Variants in CDH13 observed in about 807,000 individuals in gnomAD.
The protein encoded by CDH13 is cadherin-13.
Under a neutral mutation model 63.8 loss-of-function variants are expected in CDH13, and 24 were observed. The ratio of observed to expected loss-of-function variants is 0.38; its 90% CI spans 0.27 to 0.53. The LOEUF (loss-of-function observed/expected upper bound fraction) is 0.53, where lower values mean the gene tolerates loss of function less well. CDH13 is among the 20% of genes least tolerant of loss of function. The pLI, the probability that CDH13 is intolerant of heterozygous loss-of-function variation, is 0.85. For synonymous variants in CDH13, 503 were observed against 355.3 expected (o/e 1.42, Z -4.67); for missense variants, 1,049 against 903.1 (o/e 1.16, Z -2.07).
intron 5 of CDH13, among the ~76,000 whole-genome samples, chr16:83,333,710 G>A (rs1326762085): frequency 6.6e-6 from 1 of 152,066 alleles, no homozygotes; most frequent in African/African-American, 2.4e-5. Context: ...TTGCTATGGT[G>A]GAAACTAAAA....
At chr16:83,344,648 C>T (rs1356589142) in intron 5 of CDH13, among the ~76,000 whole-genome samples, 2 of 151,988 alleles carry the variant, frequency 1.3e-5, no homozygotes, top group African/African-American at 4.8e-5. Context: ...TGTAAATTTC[C>T]CAAGGGGGAT....
At chr16:83,069,105 C>T (rs1299296131) in intron 3 of CDH13, among the ~76,000 whole-genome samples, 1 of 152,216 alleles carries the variant, frequency 6.6e-6, no homozygotes, top group Non-Finnish European at 1.5e-5. Context: ...TCCCATAAAA[C>T]ATCTAATTAA....
chr16:83,171,630 C>A, intron 4 of CDH13: 1 of 1,352,556 alleles, frequency 7.4e-7, no homozygotes, highest in Non-Finnish European at 1.0e-6. Flanking sequence ...TTTGTGTCTC[C>A]AATTTCCTAT....
intron 1 of CDH13, among the ~76,000 whole-genome samples, chr16:82,638,305 G>T (rs75654302): frequency 0.026 from 3,957 of 152,266 alleles, 165 homozygotes; most frequent in African/African-American, 0.09. Flanking sequence ...AGGGACTGCT[G>T]AGCAGACCTC....
At chr16:83,149,239 G>T (rs372044323) in intron 4 of CDH13, among the ~76,000 whole-genome samples, 71 of 152,302 alleles carry the variant, frequency 4.7e-4, no homozygotes, top group African/African-American at 1.6e-3. Context: ...TGGAAACCAA[G>T]GTGGTGAGAC....
chr16:82,959,580 T>G (rs1361990442), intron 2 of CDH13, among the ~76,000 whole-genome samples: 1 of 152,176 alleles, frequency 6.6e-6, no homozygotes, highest in Non-Finnish European at 1.5e-5. Context: ...TTACATCTCC[T>G]TTGCACTCTT....
chr16:83,240,709 G>C (rs1487728376), intron 5 of CDH13, among the ~76,000 whole-genome samples: 1 of 94,316 alleles, frequency 1.1e-5, no homozygotes, highest in African/African-American at 3.7e-5. Context: ...TAAATTTACT[G>C]TCTTAATCTT....
At chr16:83,080,427 A>G (rs1185383529) in intron 3 of CDH13, among the ~76,000 whole-genome samples, 3 of 152,314 alleles carry the variant, frequency 2.0e-5, no homozygotes, top group East Asian at 1.9e-4. Context: ...GATTTCAACT[A>G]CGTTCTATCC....
At chr16:82,898,794 T>G (rs1431587019) in intron 2 of CDH13, among the ~76,000 whole-genome samples, 1 of 152,224 alleles carries the variant, frequency 6.6e-6, no homozygotes, top group Non-Finnish European at 1.5e-5. Flanking sequence ...ATCCAGTTAT[T>G]TGGGGCTGGA....
intron 2 of CDH13, among the ~76,000 whole-genome samples, chr16:82,931,885 G>C (rs2042507398): frequency 6.6e-6 from 1 of 152,152 alleles, no homozygotes; most frequent in African/African-American, 2.4e-5. Flanking sequence ...AATTCAAGAT[G>C]AGATTTGGGT....
chr16:83,788,319 C>T (rs555371881), intron 13 of CDH13, among the ~76,000 whole-genome samples: 90 of 152,280 alleles, frequency 5.9e-4, no homozygotes, highest in African/African-American at 2.1e-3. Context: ...GATTTCCAGG[C>T]CCATCCAACC....
intron 6 of CDH13, among the ~76,000 whole-genome samples, chr16:83,477,053 C>T (rs916975604): frequency 1.3e-5 from 2 of 152,138 alleles, no homozygotes; most frequent in African/African-American, 4.8e-5. Context: ...CCAGTTTTGG[C>T]CATGTGTCAC....
chr16:83,365,304 C>G (rs1280691100), intron 6 of CDH13, among the ~76,000 whole-genome samples: 1 of 152,218 alleles, frequency 6.6e-6, no homozygotes, highest in Non-Finnish European at 1.5e-5. Flanking sequence ...AGGCCTCTGA[C>G]TCAGCTTTTT....
At chr16:83,243,843 G>A (rs1333129071) in intron 5 of CDH13, among the ~76,000 whole-genome samples, 2 of 152,124 alleles carry the variant, frequency 1.3e-5, no homozygotes, top group African/African-American at 4.8e-5. Flanking sequence ...ACTGGAATGG[G>A]CAACCTATTG....
chr16:83,512,102 A>G (rs2074581034), intron 7 of CDH13, among the ~76,000 whole-genome samples: 1 of 151,824 alleles, frequency 6.6e-6, no homozygotes, highest in Admixed American at 6.6e-5. Flanking sequence ...CGGGCGGATC[A>G]CGAGGTCTGG....
At chr16:83,651,075 T>G (rs1178291679) in intron 8 of CDH13, among the ~76,000 whole-genome samples, 1 of 152,034 alleles carries the variant, frequency 6.6e-6, no homozygotes, top group Non-Finnish European at 1.5e-5. Flanking sequence ...TATTCCAGCC[T>G]GGGCAACAAA....
At chr16:83,371,746 AC>A (rs2091370820) in intron 6 of CDH13, among the ~76,000 whole-genome samples, 1 of 152,240 alleles carries the variant, frequency 6.6e-6, no homozygotes. Flanking sequence ...GAAAAGCAGA[AC>A]TTTAAAGACA....
chr16:83,151,998 T>C (rs1292767779), intron 4 of CDH13, among the ~76,000 whole-genome samples: 5 of 150,912 alleles, frequency 3.3e-5, no homozygotes, highest in Admixed American at 1.3e-4. Flanking sequence ...AAGTAGCCTT[T>C]TGCAAGACAA....
intron 7 of CDH13, among the ~76,000 whole-genome samples, chr16:83,517,844 T>G (rs1555565612): frequency 6.6e-6 from 1 of 152,170 alleles, no homozygotes; most frequent in South Asian, 2.1e-4. Context: ...GCACTCTCAC[T>G]AAATGCAAGG....
Sources: allele counts gnomAD v4.1 joint callset (sites outside exome capture counted in the v4.1 genomes callset), GRCh38; gene constraint gnomAD v4.1.1; transcripts MANE v1.5; gene names NCBI Gene and HGNC (gene_info 2026-07-23, HGNC 2026-07-21).